The following CATSPERB variants were observed in gnomAD, a reference collection of about 807,000 sequenced individuals.
CATSPERB encodes the protein cation channel sperm-associated auxiliary subunit beta.
In CATSPERB, 93 loss-of-function variants were observed where a neutral mutation model predicts 128.3. That is an observed-to-expected ratio of 0.72 (90% CI 0.61 to 0.86). The LOEUF (loss-of-function observed/expected upper bound fraction) is 0.86, where lower values mean the gene tolerates loss of function less well. Ranked by LOEUF, CATSPERB falls within the 40% of genes least tolerant of loss-of-function variation. CATSPERB has a pLI of 0.00. For synonymous variants in CATSPERB, 381 were observed against 448.8 expected (o/e 0.85, Z 1.91); for missense variants, 1,153 against 1,329.5 (o/e 0.87, Z 2.06).
chr14:91,581,092 C>G lies in CATSPERB; in HGVS notation c.3148G>C (p.Ala1050Pro). Residue 1050 changes from alanine to proline, a missense_variant, in exon 27 of 27, where the codon GCA becomes CCA. Transcript: ENST00000256343. ...GTGTGTCCTGGGAATGGCAATGGTG[C>G]CTCATCAACATAAATCTGCAACAGA... is the stretch of plus-strand genomic sequence containing the variant. ...IEEFQIYVDE[A>P]PLPFPGHTLI... is the part of the protein sequence containing the mutation. 1 of 1,613,748 alleles carries G rather than the reference C, an allele frequency of 6.2e-7. No individual in the cohort carries two copies. Among genetic ancestry groups the G allele is most frequent in the Non-Finnish European group, 8.5e-7 (1 of 1,179,780 alleles).
intron 22 of CATSPERB, chr14:91,604,675 G>C: frequency 6.2e-7 from 1 of 1,612,832 alleles, no homozygotes; most frequent in African/African-American, 1.3e-5. Flanking sequence ...GGTTGCTCCA[G>C]GACTGGATGT....
chr14:91,707,918 A>G (rs1895762507), intron 6 of CATSPERB, among the ~76,000 whole-genome samples: 1 of 151,850 alleles, frequency 6.6e-6, no homozygotes, highest in African/African-American at 2.4e-5. Flanking sequence ...GTATTTCCAC[A>G]TTTCTATAGC....
At chr14:91,681,810 C>G (rs1895286200) in intron 11 of CATSPERB, among the ~76,000 whole-genome samples, 1 of 152,198 alleles carries the variant, frequency 6.6e-6, no homozygotes, top group African/African-American at 2.4e-5. Flanking sequence ...ATCTGTCAAA[C>G]TGGCTGGAAT....
At chr14:91,677,041 C>T (rs915417288) in intron 11 of CATSPERB, among the ~76,000 whole-genome samples, 3 of 150,348 alleles carry the variant, frequency 2.0e-5, no homozygotes, top group African/African-American at 7.5e-5. Context: ...TGAAACTGAA[C>T]CCCTTCCTCA....
intron 4 of CATSPERB, 109 bp from the exon 5 acceptor site, chr14:91,719,587 A>G (rs1326888717): frequency 2.8e-6 from 2 of 720,422 alleles, no homozygotes; most frequent in East Asian, 2.9e-5. Flanking sequence ...TCCAATGCAT[A>G]TACCTTTTAC....
At chr14:91,669,372 G>C (rs1174103967) in intron 14 of CATSPERB, among the ~76,000 whole-genome samples, 3 of 151,298 alleles carry the variant, frequency 2.0e-5, no homozygotes, top group East Asian at 1.9e-4. Flanking sequence ...ATACAGAACT[G>C]ACTGAAGGAG....
At chr14:91,611,656 A>AC (rs1282961839) in intron 20 of CATSPERB, among the ~76,000 whole-genome samples, 1 of 152,082 alleles carries the variant, frequency 6.6e-6, no homozygotes, top group African/African-American at 2.4e-5. Flanking sequence ...AAAACCAAAA[A>AC]CAAAAAAAGA....
chr14:91,634,045 A>C (rs1894324599), intron 17 of CATSPERB, among the ~76,000 whole-genome samples: 1 of 152,184 alleles, frequency 6.6e-6, no homozygotes, highest in Non-Finnish European at 1.5e-5. Flanking sequence ...TGCAGATGAA[A>C]ATTCACATAT....
At chr14:91,665,036 C>T (rs1051475643) in intron 14 of CATSPERB, among the ~76,000 whole-genome samples, 12 of 150,992 alleles carry the variant, frequency 7.9e-5, no homozygotes, top group Non-Finnish European at 1.3e-4. Flanking sequence ...ACCACAGGAA[C>T]GTGCCACCAC....
intron 15 of CATSPERB, among the ~76,000 whole-genome samples, chr14:91,657,186 T>G (rs536502274): frequency 1.3e-5 from 2 of 152,152 alleles, no homozygotes; most frequent in East Asian, 3.9e-4. Context: ...ATGGACCTAA[T>G]AGATATTTGC....
intron 10 of CATSPERB, among the ~76,000 whole-genome samples, chr14:91,691,180 C>T (rs1895464786): frequency 6.6e-6 from 1 of 152,124 alleles, no homozygotes; most frequent in Admixed American, 6.5e-5. Context: ...CACCACCTTA[C>T]TCTCTTCAGT....
intron 20 of CATSPERB, among the ~76,000 whole-genome samples, chr14:91,615,877 C>G (rs1336051769): frequency 2.5e-5 from 2 of 81,358 alleles, no homozygotes; most frequent in African/African-American, 3.9e-5. Flanking sequence ...ATCATACATA[C>G]AGTTTTCCTT....
chr14:91,720,654 C>G lies in CATSPERB; in HGVS notation c.310-1176G>C, dbSNP rs113681360. On this transcript the variant is annotated intron_variant, in intron 4 of 26. Coordinates refer to ENST00000256343, the MANE Select transcript of CATSPERB (RefSeq NM_024764.4). ...ACTTAATATTAGTAAAATGGCAATA[C>G]TACCCAAATGTATCTACAGATTCAA... Among the ~76,000 whole-genome samples, 962 of 152,200 alleles carry G rather than the reference C, an allele frequency of 6.3e-3. 15 individuals carry two copies. Among genetic ancestry groups the G allele is most frequent in the African/African-American group, 0.022 (907 of 41,540 alleles).
At chr14:91,644,206 T>C (rs1043907015) in intron 15 of CATSPERB, among the ~76,000 whole-genome samples, 35 of 129,200 alleles carry the variant, frequency 2.7e-4, no homozygotes, top group African/African-American at 1.0e-3. Context: ...TTTAGTCCAT[T>C]TACATTTAAA....
At chr14:91,599,233 G>A (rs925787744) in intron 22 of CATSPERB, among the ~76,000 whole-genome samples, 3 of 152,120 alleles carry the variant, frequency 2.0e-5, no homozygotes, top group Non-Finnish European at 2.9e-5. Context: ...TGTGAACCTA[G>A]AAAATCTGAG....
intron 15 of CATSPERB, among the ~76,000 whole-genome samples, chr14:91,658,201 C>A (rs1894818124): frequency 1.3e-5 from 2 of 152,042 alleles, no homozygotes; most frequent in Admixed American, 6.5e-5. Context: ...ACTATTCAGC[C>A]ATAAAAAGAA....
chr14:91,699,203 T>G (rs1895607831), intron 7 of CATSPERB, among the ~76,000 whole-genome samples: 2 of 152,230 alleles, frequency 1.3e-5, no homozygotes, highest in South Asian at 4.1e-4. Context: ...TGACTTCTTT[T>G]CCTTGGGTAG....
intron 11 of CATSPERB, among the ~76,000 whole-genome samples, chr14:91,675,951 T>C (rs922204007): frequency 4.6e-5 from 7 of 152,186 alleles, no homozygotes; most frequent in Admixed American, 4.6e-4. Flanking sequence ...TCAATGTTAT[T>C]TGTCGGAAAT....
intron 5 of CATSPERB, among the ~76,000 whole-genome samples, chr14:91,717,856 T>A (rs1895968733): frequency 6.6e-6 from 1 of 152,218 alleles, no homozygotes; most frequent in Middle Eastern, 3.2e-3. Context: ...TTTCCCCTGA[T>A]TTTTAGCATA....
Sources: gnomAD v4.1 joint callset for allele counts (sites outside exome capture counted in the v4.1 genomes callset) on GRCh38, gnomAD v4.1.1 for gene constraint, MANE v1.5 for transcripts, NCBI Gene and HGNC (gene_info 2026-07-23, HGNC 2026-07-21) for gene names.